ZNF629: variants seen among roughly 807,000 people sequenced by gnomAD.
The protein encoded by ZNF629 is zinc finger protein 629.
In ZNF629, 9 loss-of-function variants were observed where a neutral mutation model predicts 59.7. The ratio of observed to expected loss-of-function variants is 0.15; its 90% confidence interval spans 0.09 to 0.26. ZNF629 has a LOEUF of 0.26. Ranked by LOEUF, ZNF629 falls within the 10% of genes least tolerant of loss-of-function variation. The probability of loss-of-function intolerance (pLI) is 1.00; values close to 1 mark genes in which losing one functional copy is unlikely to be tolerated. For missense variants in ZNF629, 853 were observed against 1,165.4 expected (o/e 0.73, Z 3.90); for synonymous variants, 509 against 498.9 (o/e 1.02, Z -0.27).
rs1327594933 is a variant in ZNF629 at position 30,783,464 on chromosome 16, T to C, written c.864A>G (p.Lys288=). ...IQHQATHTGE[K]PYKCPECGKR... Reference sequence around the variant, plus strand: ...TCCCGCACTCGGGGCACTTGTAGGGTTTCTCGCCTGTGTGGGTGGCCTGGT... The same window carrying C: ...TCCCGCACTCGGGGCACTTGTAGGGCTTCTCGCCTGTGTGGGTGGCCTGGT... The change falls in exon 3 of 3, where the codon AAA becomes AAG. Residue 288 remains lysine (K), a synonymous_variant. Transcript: ENST00000262525. 7 of 1,604,390 alleles carry C rather than the reference T, an allele frequency of 4.4e-6. No individual in the cohort carries two copies. Among genetic ancestry groups the C allele is most frequent in the African/African-American group, 4.2e-5 (3 of 71,688 alleles).
intron 1 of ZNF629, among the ~76,000 whole-genome samples, chr16:30,785,429 G>A (rs749675383): frequency 1.3e-5 from 2 of 152,176 alleles, no homozygotes; most frequent in African/African-American, 2.4e-5. Flanking sequence ...TGGGAGTCAT[G>A]TGAGACTCAT....
Position 30,783,221 on chromosome 16 carries a change from C to G in ZNF629, c.1107G>C (p.Leu369=). The change falls in exon 3 of 3, where the codon CTG becomes CTC. Residue 369 remains leucine, a synonymous_variant. Coordinates refer to ENST00000262525, the MANE Select transcript of ZNF629 (RefSeq NM_001080417.3). ...CTGGGCACTTGAACGGGTCCTCGCG[C>G]AGGTGAGTCCGCTGGTGCTTGATGA... ...STLIKHQRTH[L]REDPFKCPVC... 6.2e-7 allele frequency: 1 copy of G among 1,609,688 alleles called. No homozygotes were observed. The highest frequency in any genetic ancestry group is 8.5e-7 in the Non-Finnish European group (1 of 1,178,938).
chr16:30,781,704 T>A lies in ZNF629; in HGVS notation c.*14A>T, dbSNP rs758222524. ...TCTCTGGAGAGAGCGAGGCCCCTGGTCTCCAGACCCATTTCACAGGGAGAC... is the reference window on the plus strand; with the variant it reads ...TCTCTGGAGAGAGCGAGGCCCCTGGACTCCAGACCCATTTCACAGGGAGAC... On this transcript the variant is annotated 3_prime_UTR_variant, in exon 3 of 3. Coordinates refer to ENST00000262525, the MANE Select transcript of ZNF629 (RefSeq NM_001080417.3). 1 of 1,586,142 alleles carries A rather than the reference T, an allele frequency of 6.3e-7. No homozygotes were observed. Among genetic ancestry groups the A allele is most frequent in the South Asian group, 1.1e-5 (1 of 88,242 alleles).
chr16:30,782,531 AT>A lies in ZNF629; in HGVS notation c.1796del (p.Asn599MetfsTer101). 1 of 1,561,654 alleles carries A rather than the reference AT, an allele frequency of 6.4e-7. No homozygotes were observed. Among genetic ancestry groups the A allele is most frequent in the Admixed American group, 1.9e-5 (1 of 51,936 alleles). Reference sequence around the variant, plus strand: ...CTGCGTGTGCGATGAGGCCGTCTGCATTTTTGTAGGGGTTTTCTCCGATGTG... The same window carrying A: ...CTGCGTGTGCGATGAGGCCGTCTGCATTTTGTAGGGGTTTTCTCCGATGTG... Reference protein sequence around the residue: ...RIHIGENPYKNADGLIAHAAP... With the variant: ...RIHIGENPYKXADGLIAHAAP... On this transcript the variant is annotated frameshift_variant, in exon 3 of 3. Coordinates refer to ENST00000262525, the MANE Select transcript of ZNF629 (RefSeq NM_001080417.3). LOFTEE classifies it high-confidence loss of function.
In ZNF629 at chr16:30,782,388, T is replaced by G. The variant is rs1257665375; in HGVS notation, c.1940A>C (p.Gln647Pro). The change falls in exon 3 of 3, where the codon CAG becomes CCG. Residue 647 changes from glutamine to proline, a missense_variant. Physicochemically the swap from Gln to Pro is moderately conservative, Grantham distance 76. Around this residue, in one of 3 missense-constraint regions of ZNF629, gnomAD observed 420 missense variants for 435.6 expected, o/e 0.96. Transcript: ENST00000262525. ...PGQPLKPPEG[Q>P]EGFSQRRGLL... is the part of the protein sequence containing the mutation. The stretch of plus-strand genomic sequence containing the variant: ...CCCCCGCCTCTGGCTGAAGCCCTCC[T>G]GACCCTCCGGCGGCTTAAGGGGCTG... The G allele has an allele frequency of 1.9e-6, 3 of 1,576,474 alleles. No homozygotes were observed. Among genetic ancestry groups the G allele is most frequent in the Non-Finnish European group, 1.7e-6 (2 of 1,161,056 alleles).
In ZNF629 at chr16:30,782,516, G is replaced by A. The variant is rs780944187; in HGVS notation, c.1812C>T (p.Ile604=). ...GAGGAGGTTTGGGGGCTGCGTGTGC[G>A]ATGAGGCCGTCTGCATTTTTGTAGG... ...ENPYKNADGL[I]AHAAPKPPQL... is the part of the protein sequence containing the mutation. The change falls in exon 3 of 3, where the codon ATC becomes ATT. Residue 604 remains isoleucine (I), a synonymous_variant. Transcript: ENST00000262525. 8 of 1,563,882 alleles carry A rather than the reference G, an allele frequency of 5.1e-6. No individual in the cohort carries two copies. In the Admixed American group the frequency reaches 5.7e-5, roughly 11 times the overall value.
Position 30,781,360 on chromosome 16 carries a change from T to C in ZNF629, c.*358A>G, listed in dbSNP as rs1317880439. 1.2e-5 allele frequency: 2 copies of C among 167,758 alleles called. No individual in the cohort carries two copies. Among genetic ancestry groups the C allele is most frequent in the Non-Finnish European group, 2.5e-5 (2 of 78,684 alleles). The allele number at this position is 167,758 out of a possible 1,614,324, so 10.4% of individuals were successfully genotyped here. A position where few individuals can be genotyped will look rare whatever the true frequency, so the allele number is the denominator to read the frequency against. ...GATTTTCCTAAGGATTTTGATACAA[T>C]TTTATAGGGTTGTTCAGAGACATAT... On this transcript the variant is annotated 3_prime_UTR_variant, in exon 3 of 3. Coordinates refer to ENST00000262525, the MANE Select transcript of ZNF629 (RefSeq NM_001080417.3).
rs567469977 is a variant in ZNF629 at position 30,781,243 on chromosome 16, T to C, written c.*475A>G. ...TGTCCAGGGCTGCTGGGAGAGAACATTGTGGAACAGTGAGGGAGAGGTGTT... is the reference window on the plus strand; with the variant it reads ...TGTCCAGGGCTGCTGGGAGAGAACACTGTGGAACAGTGAGGGAGAGGTGTT... On this transcript the variant is annotated 3_prime_UTR_variant, in exon 3 of 3. Coordinates refer to ENST00000262525, the MANE Select transcript of ZNF629 (RefSeq NM_001080417.3). 2 of 152,924 alleles carry C rather than the reference T, an allele frequency of 1.3e-5. No individual in the cohort carries two copies. The highest frequency in any genetic ancestry group is 2.1e-4 in the South Asian group (1 of 4,844). 9.5% of individuals were successfully genotyped at this position (152,924 alleles called of 1,614,324 possible).
rs1373167188 is a variant in ZNF629 at position 30,783,065 on chromosome 16, C to G, written c.1263G>C (p.Gln421His). ...FSVSSNLINH[Q>H]RIHRGERPYI... Reference sequence around the variant, plus strand: ...AGGGCCGCTCGCCGCGGTGGATGCGCTGGTGGTTGATGAGGTTGGAGCTGA... The same window carrying G: ...AGGGCCGCTCGCCGCGGTGGATGCGGTGGTGGTTGATGAGGTTGGAGCTGA... The change falls in exon 3 of 3, where the codon CAG becomes CAC. Residue 421 changes from glutamine (Q) to histidine (H), a missense_variant. This residue lies in a region of ZNF629 where 201 missense variants were observed against 536.5 expected (regional missense o/e 0.37). Coordinates refer to ENST00000262525, the MANE Select transcript of ZNF629 (RefSeq NM_001080417.3). 6.2e-7 allele frequency: 1 copy of G among 1,612,284 alleles called. No homozygotes were observed. Among genetic ancestry groups the G allele is most frequent in the East Asian group, 2.2e-5 (1 of 44,804 alleles).
Position 30,781,611 on chromosome 16 carries a change from A to G in ZNF629, c.*107T>C. 1.7e-6 allele frequency: 2 copies of G among 1,153,060 alleles called. No individual in the cohort carries two copies. The highest frequency in any genetic ancestry group is 2.3e-6 in the Non-Finnish European group (2 of 859,044). 71.4% of individuals were successfully genotyped at this position (1,153,060 alleles called of 1,614,324 possible). ...CCCAGGGTTCTTTCTCCTCCACTCC[A>G]CTACCATCTGATAGGGTTATCCTCC... is the stretch of plus-strand genomic sequence containing the variant. On this transcript the variant is annotated 3_prime_UTR_variant, in exon 3 of 3. Transcript: ENST00000262525.
chr16:30,784,608 C>G, intron 1 of ZNF629, 93 bp from the exon 2 acceptor site: 4 of 1,002,424 alleles, frequency 4.0e-6, no homozygotes, highest in Non-Finnish European at 5.7e-6. Flanking sequence ...TGCCCCGCCC[C>G]ATTCCTCCTT....
rs776992093 is a variant in ZNF629 at position 30,780,947 on chromosome 16, G to C, written c.*771C>G. 2 of 152,052 alleles carry C rather than the reference G, an allele frequency of 1.3e-5. No homozygotes were observed. Among genetic ancestry groups the C allele is most frequent in the Non-Finnish European group, 2.9e-5 (2 of 68,024 alleles). The allele number at this position is 152,052 out of a possible 1,614,324, so 9.4% of individuals were successfully genotyped here. ...ACCCCAAACTTCAGCCTTTAAAAAG[G>C]CTTGCCAATTTGTTTTTTCTTCCCC... is the stretch of plus-strand genomic sequence containing the variant. On this transcript the variant is annotated 3_prime_UTR_variant, in exon 3 of 3. Transcript: ENST00000262525.
Position 30,786,693 on chromosome 16 carries a change from T to G in ZNF629, c.-34+335A>C, listed in dbSNP as rs1326106936. The stretch of plus-strand genomic sequence containing the variant: ...CCCGTCCCGCTGCTGATACAGAGCC[T>G]GGGCATCCGCCCCTGCCCCGGCCCC... On this transcript the variant is annotated intron_variant, in intron 1 of 2. Transcript: ENST00000262525. This position sits in a 1 kb window ranked among gnomAD's most constrained non-coding sequence, Gnocchi z 4.8. 7.7e-6 allele frequency among the ~76,000 whole-genome samples: 1 copy of G among 129,918 alleles called. No individual in the cohort carries two copies. Among genetic ancestry groups the G allele is most frequent in the African/African-American group, 3.0e-5 (1 of 33,832 alleles). The allele number at this position is 129,918 out of a possible 152,430, so 85.2% of individuals were successfully genotyped here.
In ZNF629 at chr16:30,786,570, C is replaced by T. The variant is rs1321168670; in HGVS notation, c.-34+458G>A. ...CCTCCCGAGAGATGTGGGGAACGGC[C>T]CAGGGTGACCCTGACATGGAGGCGG... On this transcript the variant is annotated intron_variant, in intron 1 of 2. Transcript: ENST00000262525. The surrounding 1 kb of genome is among the most constrained non-coding windows in gnomAD (Gnocchi z 4.8). Among the ~76,000 whole-genome samples, 3 of 152,098 alleles carry T rather than the reference C, an allele frequency of 2.0e-5. No individual in the cohort carries two copies. Among genetic ancestry groups the T allele is most frequent in the Non-Finnish European group, 4.4e-5 (3 of 67,980 alleles).
At position 30,782,429 on chromosome 16, in the gene ZNF629, T is replaced by C. The variant is rs371803833; in HGVS notation, c.1899A>G (p.Arg633=). The C allele has an allele frequency of 1.5e-5, 24 of 1,566,304 alleles. No homozygotes were observed. In the African/African-American group the frequency reaches 2.3e-4, roughly 15 times the overall value. Residue 633 remains arginine (R), a synonymous_variant, in exon 3 of 3, where the codon AGA becomes AGG. Transcript: ENST00000262525. The part of the protein sequence containing the change: ...GNSYPGAAEG[R]AEAPGQPLKP... ...TAAGGGGCTGTCCGGGGGCCTCCGC[T>C]CTGCCCTCCGCAGCCCCGGGGTAGG...
chr16:30,782,186 A>G lies in ZNF629; in HGVS notation c.2142T>C (p.Phe714=), dbSNP rs764995648. ...GPSPFLSGKP[F]KCPECKQSFG... ...AGCTTTGTTTGCATTCAGGGCATTTAAAGGGCTTCCCACTTAAGAAGGGGC... is the reference window on the plus strand; with the variant it reads ...AGCTTTGTTTGCATTCAGGGCATTTGAAGGGCTTCCCACTTAAGAAGGGGC... The change falls in exon 3 of 3, where the codon TTT becomes TTC. Residue 714 remains phenylalanine (F), a synonymous_variant. Coordinates refer to ENST00000262525, the MANE Select transcript of ZNF629 (RefSeq NM_001080417.3). 2 of 1,613,592 alleles carry G rather than the reference A, an allele frequency of 1.2e-6. No individual in the cohort carries two copies.
Position 30,784,203 on chromosome 16 carries a change from TC to T in ZNF629, c.124del (p.Glu42ArgfsTer58). ...EESPRQESSG[E>X]EIIMGDPAQS... ...AGCCGGGTCTCCCATGATGATCTCCTCCCCAGAACTTTCCTGCCGAGGGCTC... is the reference window on the plus strand; with the variant it reads ...AGCCGGGTCTCCCATGATGATCTCCTCCCAGAACTTTCCTGCCGAGGGCTC... On this transcript the variant is annotated frameshift_variant, in exon 3 of 3. Transcript: ENST00000262525. LOFTEE classifies it high-confidence loss of function. 1.2e-6 allele frequency: 2 copies of T among 1,608,510 alleles called. No homozygotes were observed.
rs2054260358 is a variant in ZNF629 at position 30,779,202 on chromosome 16, T to C, written c.*2516A>G. ...TACAACATGTGAGCATCCTACTAAA[T>C]ATGCTACACCCTAGTCCGAAACAGG... On this transcript the variant is annotated 3_prime_UTR_variant, in exon 3 of 3. Coordinates refer to ENST00000262525, the MANE Select transcript of ZNF629 (RefSeq NM_001080417.3). 1 of 152,170 alleles carries C rather than the reference T, an allele frequency of 6.6e-6. No homozygotes were observed. Among genetic ancestry groups the C allele is most frequent in the African/African-American group, 2.4e-5 (1 of 41,406 alleles). The allele number at this position is 152,170 out of a possible 1,614,324, so 9.4% of individuals were successfully genotyped here. A position where few individuals can be genotyped will look rare whatever the true frequency, so the allele number is the denominator to read the frequency against.
chr16:30,782,841 C>G lies in ZNF629; in HGVS notation c.1487G>C (p.Ser496Thr). 1 of 1,614,126 alleles carries G rather than the reference C, an allele frequency of 6.2e-7. No individual in the cohort carries two copies. ...GTGGGTAATAAGGTTGGAGCTCTGG[C>G]TGAAGCTCTTGCCGCACTCGGGGCA... The part of the protein sequence containing the change: ...YKCPECGKSF[S>T]QSSNLITHVR... The change falls in exon 3 of 3, where the codon AGC (serine) becomes ACC (threonine). Residue 496 changes from serine (S) to threonine (T), a missense_variant. Transcript: ENST00000262525.
Sources: gnomAD v4.1 joint callset for allele counts (sites outside exome capture counted in the v4.1 genomes callset) on GRCh38, gnomAD v4.1.1 for gene constraint, gnomAD v4.1.1 regional missense constraint, Gnocchi (gnomAD v3.1) non-coding constraint, MANE v1.5 for transcripts, NCBI Gene and HGNC (gene_info 2026-07-23, HGNC 2026-07-21) for gene names.